B4GALT1: variants seen among roughly 807,000 people sequenced by gnomAD.
B4GALT1 encodes beta-1,4-galactosyltransferase 1.
Under a neutral mutation model 34.9 loss-of-function variants are expected in B4GALT1, and 16 were observed. The ratio of observed to expected loss-of-function variants is 0.46; its 90% CI spans 0.31 to 0.70. The LOEUF (loss-of-function observed/expected upper bound fraction) is 0.70. Ranked by LOEUF, B4GALT1 falls within the 30% of genes least tolerant of loss-of-function variation. The pLI is 0.05. For synonymous variants in B4GALT1, 221 were observed against 218.1 expected (o/e 1.01, Z -0.12); for missense variants, 445 against 530.5 (o/e 0.84, Z 1.58).
At chr9:33,150,120 G>T (rs1347092985) in intron 1 of B4GALT1, among the ~76,000 whole-genome samples, 5 of 78,222 alleles carry the variant, frequency 6.4e-5, no homozygotes, top group South Asian at 4.0e-4. Flanking sequence ...AGGGTAAAAG[G>T]AGATATATAT....
Position 33,167,115 on chromosome 9 carries a change from G to C in B4GALT1, c.55C>G (p.Leu19Val), listed in dbSNP as rs1840773504. The C allele has an allele frequency of 1.2e-6, 2 of 1,604,374 alleles. No individual in the cohort carries two copies. Among genetic ancestry groups the C allele is most frequent in the Non-Finnish European group, 1.7e-6 (2 of 1,178,004 alleles). The change falls in exon 1 of 6, where the codon CTA (leucine) becomes GTA (valine). Residue 19 changes from leucine (L) to valine (V), a missense_variant. By Grantham distance (32) the Leu-to-Val change is conservative. Coordinates refer to ENST00000379731, the MANE Select transcript of B4GALT1 (RefSeq NM_001497.4). ...SGSAAMPGASLQRACRLLVAV... is the reference protein window; with the variant it reads ...SGSAAMPGASVQRACRLLVAV... ...ACGAGCAGGCGGCAGGCCCGCTGTA[G>C]GGACGCGCCTGGCATCGCGGCGCTG...
intron 1 of B4GALT1, among the ~76,000 whole-genome samples, chr9:33,138,132 T>C (rs1414319761): frequency 1.3e-5 from 2 of 152,216 alleles, no homozygotes; most frequent in Non-Finnish European, 2.9e-5. Flanking sequence ...CCTGGCTCGC[T>C]TCCGCGGGAC....
chr9:33,182,737 C>T, the B4GALT1 span, among the ~76,000 whole-genome samples: 4 of 152,218 alleles, frequency 2.6e-5, no homozygotes, highest in Non-Finnish European at 5.9e-5. Context: ...TGGAAATTCT[C>T]TTAGTGCCTT....
intron 1 of B4GALT1, among the ~76,000 whole-genome samples, chr9:33,146,600 G>A (rs938371104): frequency 3.9e-5 from 6 of 152,206 alleles, no homozygotes; most frequent in African/African-American, 1.4e-4. Flanking sequence ...ATGCTGGTGA[G>A]GATGCTTCGC....
chr9:33,146,775 C>G (rs1840431960), intron 1 of B4GALT1, among the ~76,000 whole-genome samples: 1 of 151,970 alleles, frequency 6.6e-6, no homozygotes, highest in African/African-American at 2.4e-5. Context: ...CTCACTGCAG[C>G]CTCTGCCTCC....
intron 1 of B4GALT1, among the ~76,000 whole-genome samples, chr9:33,143,241 G>A (rs1840379126): frequency 6.6e-6 from 1 of 152,234 alleles, no homozygotes; most frequent in South Asian, 2.1e-4. Context: ...TAGACCAACT[G>A]GGCACAGTGG....
Position 33,145,083 on chromosome 9 carries a change from G to A in B4GALT1, c.413-9659C>T, listed in dbSNP as rs117533203. ...GGCCAAGTGGGAAGCTGGACCAACT[G>A]GGCAAAGTTGCGCCAGTTGCTCATC... On this transcript the variant is annotated intron_variant, in intron 1 of 5. Coordinates refer to ENST00000379731, the MANE Select transcript of B4GALT1 (RefSeq NM_001497.4). Among the ~76,000 whole-genome samples the A allele has an allele frequency of 6.3e-3, 960 of 152,254 alleles. 17 individuals carry two copies. Among genetic ancestry groups the A allele is most frequent in the East Asian group, 0.045 (233 of 5,190 alleles).
At chr9:33,151,295 C>T (rs527516831) in intron 1 of B4GALT1, among the ~76,000 whole-genome samples, 1 of 152,310 alleles carries the variant, frequency 6.6e-6, no homozygotes, top group East Asian at 1.9e-4. Context: ...CTTTGCATTC[C>T]AGTATGTAAG....
intron 3 of B4GALT1, among the ~76,000 whole-genome samples, chr9:33,117,289 T>C (rs1839954794): frequency 6.6e-6 from 1 of 152,252 alleles, no homozygotes; most frequent in Admixed American, 6.5e-5. Flanking sequence ...TCAGACTTTA[T>C]CCTGATTTAG....
At chr9:33,148,225 A>G (rs1840457499) in intron 1 of B4GALT1, among the ~76,000 whole-genome samples, 1 of 152,248 alleles carries the variant, frequency 6.6e-6, no homozygotes, top group Admixed American at 6.5e-5. Context: ...GAGGAATCCC[A>G]AAGACCATCA....
the B4GALT1 span, among the ~76,000 whole-genome samples, chr9:33,178,606 G>A: frequency 6.6e-6 from 1 of 152,286 alleles, no homozygotes; most frequent in Non-Finnish European, 1.5e-5. Flanking sequence ...CCATGGCACT[G>A]GGTCCAGGCC....
At chr9:33,125,954 C>A (rs1434770547) in intron 2 of B4GALT1, among the ~76,000 whole-genome samples, 1 of 152,186 alleles carries the variant, frequency 6.6e-6, no homozygotes, top group East Asian at 1.9e-4. Flanking sequence ...AAAGACACAG[C>A]AGCAACATGG....
At chr9:33,174,990 AATATATATATAT>A in the B4GALT1 span, among the ~76,000 whole-genome samples, 3 of 4,838 alleles carry the variant, frequency 6.2e-4, no homozygotes, top group Non-Finnish European at 7.7e-4. Flanking sequence ...AAAAAAAAAA[AATATATATATAT>A]ATATATATAT....
intron 1 of B4GALT1, among the ~76,000 whole-genome samples, chr9:33,135,862 ATC>A (rs1194004826): frequency 5.3e-5 from 8 of 150,668 alleles, no homozygotes; most frequent in Non-Finnish European, 1.0e-4. Flanking sequence ...GGCTGACATC[ATC>A]TCTCTGATTC....
At chr9:33,107,698 CAG>C (rs1270745509), downstream of B4GALT1, among the ~76,000 whole-genome samples, 1 of 152,178 alleles carries the variant, frequency 6.6e-6, no homozygotes, top group African/African-American at 2.4e-5. Context: ...AGACTAGAAA[CAG>C]AGCATTTCTT....
chr9:33,173,103 G>A, the B4GALT1 span, among the ~76,000 whole-genome samples: 4 of 152,010 alleles, frequency 2.6e-5, no homozygotes, highest in Non-Finnish European at 5.9e-5. Flanking sequence ...CAGCAACACT[G>A]ATTAAAAAGT....
At chr9:33,152,668 G>A (rs1840538734) in intron 1 of B4GALT1, among the ~76,000 whole-genome samples, 1 of 152,102 alleles carries the variant, frequency 6.6e-6, no homozygotes, top group Non-Finnish European at 1.5e-5. Flanking sequence ...CTTGAGGCCA[G>A]TTTGAAACCA....
the B4GALT1 span, among the ~76,000 whole-genome samples, chr9:33,180,805 C>T: frequency 1.3e-5 from 2 of 152,106 alleles, no homozygotes; most frequent in Non-Finnish European, 2.9e-5. Flanking sequence ...GGCATTGAGC[C>T]CTCCAGTACT....
chr9:33,126,966 T>C (rs926197211), intron 2 of B4GALT1, among the ~76,000 whole-genome samples: 2 of 151,948 alleles, frequency 1.3e-5, no homozygotes, highest in African/African-American at 2.4e-5. Flanking sequence ...TTTGTTTTGT[T>C]TGTTTGTTTT....
Sources: gnomAD v4.1 joint callset for allele counts (sites outside exome capture counted in the v4.1 genomes callset) on GRCh38, gnomAD v4.1.1 for gene constraint, MANE v1.5 for transcripts, NCBI Gene and HGNC (gene_info 2026-07-23, HGNC 2026-07-21) for gene names.